TSPAN11: variants seen among roughly 807,000 people sequenced by gnomAD.
TSPAN11 encodes the protein tetraspanin-11.
Under a neutral mutation model 32.9 loss-of-function variants are expected in TSPAN11, and 29 were observed. The ratio of observed to expected loss-of-function variants is 0.88; its 90% CI spans 0.66 to 1.20. The LOEUF is 1.20. Ranked by LOEUF, TSPAN11 falls within the 50% of genes most tolerant of loss-of-function variation. TSPAN11 has a pLI of 0.00. For synonymous variants in TSPAN11, 140 were observed against 141.3 expected (o/e 0.99, Z 0.07); for missense variants, 283 against 329.1 (o/e 0.86, Z 1.08).
intron 3 of TSPAN11, among the ~76,000 whole-genome samples, chr12:30,976,977 C>A (rs1467995862): frequency 6.6e-6 from 1 of 152,180 alleles, no homozygotes; most frequent in Non-Finnish European, 1.5e-5. Context: ...TGGCCTCAGG[C>A]CCCACAAATG....
chr12:30,942,080 G>A (rs928174253), intron 1 of TSPAN11, among the ~76,000 whole-genome samples: 2 of 152,142 alleles, frequency 1.3e-5, no homozygotes, highest in African/African-American at 4.8e-5. Flanking sequence ...AGGGGCAGGG[G>A]TGCTGAGACT....
At chr12:31,001,059 G>C (rs2140321455), downstream of TSPAN11, among the ~76,000 whole-genome samples, 1 of 152,246 alleles carries the variant, frequency 6.6e-6, no homozygotes, top group Non-Finnish European at 1.5e-5. Context: ...AGCCTCCCCT[G>C]TCCCTCTGAC....
downstream of TSPAN11, among the ~76,000 whole-genome samples, chr12:31,001,261 C>T (rs889470241): frequency 1.3e-5 from 2 of 152,230 alleles, no homozygotes; most frequent in African/African-American, 4.8e-5. Flanking sequence ...TGCTTCAACT[C>T]TGTGGACCAT....
chr12:30,937,490 G>A lies in TSPAN11; in HGVS notation c.-12+10694G>A, dbSNP rs938997078. Among the ~76,000 whole-genome samples, 3 of 152,144 alleles carry A rather than the reference G, an allele frequency of 2.0e-5. No individual in the cohort carries two copies. In the South Asian group the frequency reaches 6.2e-4, roughly 32 times the overall value. On this transcript the variant is annotated intron_variant, in intron 1 of 7. Coordinates refer to ENST00000546076, the MANE Select transcript of TSPAN11 (RefSeq NM_001370302.1). ...TTGTACAAAGACTCTGACCCCCAGG[G>A]ATAGGAGTTAGTTAAAACAAAGGCT... is the stretch of plus-strand genomic sequence containing the variant.
intron 4 of TSPAN11, among the ~76,000 whole-genome samples, chr12:30,979,171 C>T (rs1376503493): frequency 6.6e-6 from 1 of 152,210 alleles, no homozygotes; most frequent in Non-Finnish European, 1.5e-5. Flanking sequence ...CTATGATGCC[C>T]ACAGGGTAAC....
rs754005438 is a variant in TSPAN11, at chr12:30,982,678, C to A, written c.603C>A (p.Ile201=). The A allele has an allele frequency of 6.3e-7, 1 of 1,579,710 alleles. No homozygotes were observed. Among genetic ancestry groups the A allele is most frequent in the African/African-American group, 1.3e-5 (1 of 74,154 alleles). The stretch of plus-strand genomic sequence containing the variant: ...GCCAGCGGGCCCACCCCTCCAACAT[C>A]TATAAGGTGGAGGTGAGCACCCAAG... ...RCGQRAHPSN[I]YKVEGGCLTK... The change falls in exon 6 of 8, where the codon ATC becomes ATA. Residue 201 remains isoleucine, a synonymous_variant. Coordinates refer to ENST00000546076, the MANE Select transcript of TSPAN11 (RefSeq NM_001370302.1).
chr12:31,004,430 G>T, the TSPAN11 span, among the ~76,000 whole-genome samples: 1 of 152,136 alleles, frequency 6.6e-6, no homozygotes, highest in African/African-American at 2.4e-5. Context: ...TGATGTCGAT[G>T]AACCCTGGGA....
chr12:30,988,075 A>C (rs188449741), intron 7 of TSPAN11, among the ~76,000 whole-genome samples: 55 of 152,248 alleles, frequency 3.6e-4, no homozygotes, highest in African/African-American at 1.3e-3. Flanking sequence ...CTCCATGCTG[A>C]AGTTCTGCAT....
chr12:30,968,870 T>A (rs928487200), intron 3 of TSPAN11, among the ~76,000 whole-genome samples: 1 of 152,196 alleles, frequency 6.6e-6, no homozygotes. Context: ...TGAAAATATA[T>A]GGGCTCGGGT....
chr12:30,992,186 A>T lies in TSPAN11; in HGVS notation c.*271A>T. The T allele has an allele frequency of 1.9e-6, 1 of 536,362 alleles. No homozygotes were observed. Among genetic ancestry groups the T allele is most frequent in the Non-Finnish European group, 3.4e-6 (1 of 298,104 alleles). 33.2% of individuals were successfully genotyped at this position (536,362 alleles called of 1,614,324 possible). ...TTTCAGGAGACAACCAGAGCCCCTC[A>T]CCAGGAACGGGGGCACCCGTGGACT... On this transcript the variant is annotated 3_prime_UTR_variant, in exon 8 of 8. Coordinates refer to ENST00000546076, the MANE Select transcript of TSPAN11 (RefSeq NM_001370302.1).
At position 30,993,649 on chromosome 12, in the gene TSPAN11, C is replaced by T. The variant is rs996903349; in HGVS notation, c.*1734C>T. On this transcript the variant is annotated 3_prime_UTR_variant, in exon 8 of 8. Coordinates refer to ENST00000546076, the MANE Select transcript of TSPAN11 (RefSeq NM_001370302.1). The stretch of plus-strand genomic sequence containing the variant: ...AGAGGCCGAGAGAAATGGTATAGTG[C>T]GTGATTAGCATTGCTGCCCTCCAAC... 3.3e-4 allele frequency: 50 copies of T among 152,222 alleles called. No individual in the cohort carries two copies. Among genetic ancestry groups the T allele is most frequent in the African/African-American group, 1.1e-3 (47 of 41,450 alleles). 9.4% of individuals were successfully genotyped at this position (152,222 alleles called of 1,614,324 possible).
At chr12:30,953,615 T>C (rs1938424529) in intron 1 of TSPAN11, among the ~76,000 whole-genome samples, 1 of 152,220 alleles carries the variant, frequency 6.6e-6, no homozygotes, top group African/African-American at 2.4e-5. Context: ...AAAGTAGTGA[T>C]GCTGAGTGTG....
intron 2 of TSPAN11, among the ~76,000 whole-genome samples, chr12:30,958,584 G>A (rs1234006790): frequency 6.6e-6 from 1 of 152,186 alleles, no homozygotes; most frequent in African/African-American, 2.4e-5. Context: ...CTCTTCTGAT[G>A]TGGGAATGGG....
chr12:30,957,333 C>T (rs896727046), intron 2 of TSPAN11, among the ~76,000 whole-genome samples: 3 of 150,194 alleles, frequency 2.0e-5, no homozygotes, highest in African/African-American at 7.3e-5. Context: ...CTGCACAGTG[C>T]CGTGGCAGGT....
intron 1 of TSPAN11, among the ~76,000 whole-genome samples, chr12:30,939,476 C>A (rs79316579): frequency 1.3e-5 from 2 of 152,182 alleles, no homozygotes; most frequent in Admixed American, 1.3e-4. Context: ...GACAGGATGA[C>A]GCGCCTTCCT....
chr12:30,943,912 G>A (rs1417177159), intron 1 of TSPAN11, among the ~76,000 whole-genome samples: 3 of 152,178 alleles, frequency 2.0e-5, no homozygotes, highest in Non-Finnish European at 4.4e-5. Context: ...TTTCATTAGA[G>A]GCCTAAATTA....
At chr12:30,957,040 A>G (rs1208997415) in intron 2 of TSPAN11, among the ~76,000 whole-genome samples, 1 of 152,192 alleles carries the variant, frequency 6.6e-6, no homozygotes, top group Admixed American at 6.5e-5. Flanking sequence ...ATGACTTGAG[A>G]GCATCACTTC....
intron 1 of TSPAN11, among the ~76,000 whole-genome samples, chr12:30,947,436 A>G (rs183403913): frequency 6.9e-4 from 105 of 152,266 alleles, no homozygotes; most frequent in African/African-American, 2.4e-3. Context: ...CATGCTGCTG[A>G]TAATGACATA....
At chr12:31,001,168 C>G (rs1478085992), downstream of TSPAN11, among the ~76,000 whole-genome samples, 1 of 152,228 alleles carries the variant, frequency 6.6e-6, no homozygotes, top group Non-Finnish European at 1.5e-5. Flanking sequence ...TTGCTCTCAG[C>G]CTAAACTTCA....
Sources: allele counts gnomAD v4.1 joint callset (sites outside exome capture counted in the v4.1 genomes callset), GRCh38; gene constraint gnomAD v4.1.1; transcripts MANE v1.5; gene names NCBI Gene and HGNC (gene_info 2026-07-23, HGNC 2026-07-21).